Variants in FTO observed in about 807,000 individuals in gnomAD.
FTO encodes alpha-ketoglutarate-dependent dioxygenase FTO.
Under a neutral mutation model 63.9 loss-of-function variants are expected in FTO, and 47 were observed. The ratio of observed to expected loss-of-function variants is 0.74; its 90% confidence interval spans 0.58 to 0.94. FTO has a LOEUF of 0.94. Ranked by LOEUF, FTO falls within the 40% of genes least tolerant of loss-of-function variation. The probability of loss-of-function intolerance (pLI) is 0.00; values close to 1 mark genes in which losing one functional copy is unlikely to be tolerated. For missense variants in FTO, 562 were observed against 618.1 expected (o/e 0.91, Z 0.96); for synonymous variants, 207 against 224.4 (o/e 0.92, Z 0.69).
At chr16:53,905,604 G>A (rs2081516750) in intron 7 of FTO, among the ~76,000 whole-genome samples, 1 of 152,124 alleles carries the variant, frequency 6.6e-6, no homozygotes, top group South Asian at 2.1e-4. Flanking sequence ...TCAGTTCTCT[G>A]TTCAAAAGTC....
chr16:53,738,327 A>G, intron 1 of FTO, among the ~76,000 whole-genome samples: 1 of 152,124 alleles, frequency 6.6e-6, no homozygotes. Context: ...CTTTTTATAG[A>G]GATGAGGTCT....
chr16:53,841,826 G>T (rs568120024), intron 3 of FTO, among the ~76,000 whole-genome samples: 44 of 152,200 alleles, frequency 2.9e-4, no homozygotes, highest in Non-Finnish European at 2.9e-4. Context: ...GCATCTTTTT[G>T]TCTTCCTGCA....
intron 8 of FTO, among the ~76,000 whole-genome samples, chr16:54,091,641 G>A (rs1222377245): frequency 6.6e-6 from 1 of 152,246 alleles, no homozygotes; most frequent in Admixed American, 6.5e-5. Context: ...GGATGGAGTG[G>A]AACAGTCTTG....
intron 8 of FTO, among the ~76,000 whole-genome samples, chr16:54,055,666 G>T (rs960702327): frequency 1.3e-5 from 2 of 152,102 alleles, no homozygotes; most frequent in African/African-American, 4.8e-5. Flanking sequence ...GAAACAAGTC[G>T]ATTCTTGGAT....
chr16:53,799,431 C>G (rs2078163931), intron 1 of FTO, among the ~76,000 whole-genome samples: 1 of 151,908 alleles, frequency 6.6e-6, no homozygotes, highest in Non-Finnish European at 1.5e-5. Context: ...GAGAGCAAGG[C>G]CTATGTCTTG....
intron 8 of FTO, among the ~76,000 whole-genome samples, chr16:54,087,912 T>G (rs2086285391): frequency 6.6e-6 from 1 of 152,228 alleles, no homozygotes; most frequent in Admixed American, 6.5e-5. Flanking sequence ...TTCCCAGAAT[T>G]TTATTAGAAA....
chr16:53,817,862 T>A (rs949093088), intron 2 of FTO, among the ~76,000 whole-genome samples: 4 of 152,338 alleles, frequency 2.6e-5, no homozygotes, highest in East Asian at 3.9e-4. Context: ...CCTTTCCAAA[T>A]ACTTATTAAA....
chr16:53,837,716 G>A (rs1598788714), intron 3 of FTO, among the ~76,000 whole-genome samples: 1 of 118,452 alleles, frequency 8.4e-6, no homozygotes, highest in Admixed American at 9.3e-5. Context: ...TCCATCAGCT[G>A]TGTTTCCTAA....
chr16:53,713,384 G>C (rs1222505689), intron 1 of FTO, among the ~76,000 whole-genome samples: 1 of 152,118 alleles, frequency 6.6e-6, no homozygotes, highest in Non-Finnish European at 1.5e-5. Flanking sequence ...CTAGAGGAGA[G>C]GAACTTTTGT....
chr16:53,884,904 G>A (rs2080958498), intron 6 of FTO, among the ~76,000 whole-genome samples: 1 of 152,188 alleles, frequency 6.6e-6, no homozygotes, highest in African/African-American at 2.4e-5. Flanking sequence ...GAGGTCTTCA[G>A]GGATGTGTCA....
intron 8 of FTO, among the ~76,000 whole-genome samples, chr16:54,013,870 T>C (rs1173568151): frequency 4.6e-5 from 7 of 152,346 alleles, no homozygotes; most frequent in African/African-American, 1.7e-4. Context: ...ACTTTATTGC[T>C]ATATTTATTG....
At chr16:53,750,303 T>C (rs1223284642) in intron 1 of FTO, among the ~76,000 whole-genome samples, 2 of 151,982 alleles carry the variant, frequency 1.3e-5, no homozygotes, top group African/African-American at 4.8e-5. Context: ...AGTGGTGCGA[T>C]CTTGGCTCAC....
chr16:53,931,218 C>CT (rs2082273361), intron 7 of FTO, among the ~76,000 whole-genome samples: 1 of 149,952 alleles, frequency 6.7e-6, no homozygotes, highest in African/African-American at 2.5e-5. Flanking sequence ...AGCTAGATGT[C>CT]TACTTTGTCT....
intron 8 of FTO, among the ~76,000 whole-genome samples, chr16:54,075,079 G>A (rs9302656): frequency 0.091 from 13,840 of 152,050 alleles, 990 homozygotes; most frequent in African/African-American, 0.19. Flanking sequence ...CTATTTCTTC[G>A]TTTGTGAAAT....
chr16:53,715,663 AT>A (rs1478629265), intron 1 of FTO, among the ~76,000 whole-genome samples: 9 of 152,202 alleles, frequency 5.9e-5, no homozygotes, highest in African/African-American at 1.4e-4. Context: ...GCTAAACATT[AT>A]TATGAGAAGA....
At chr16:53,794,039 A>T (rs2077994767) in intron 1 of FTO, among the ~76,000 whole-genome samples, 1 of 152,268 alleles carries the variant, frequency 6.6e-6, no homozygotes, top group African/African-American at 2.4e-5. Flanking sequence ...TTTTCCATTT[A>T]TGAACTTGCC....
rs371670622 is a variant in FTO at position 53,998,746 on chromosome 16, A to G, written c.1364+64637A>G. 3.1e-4 allele frequency: 47 copies of G among 152,290 alleles called. No individual in the cohort carries two copies. The East Asian group carries it at 6.6e-3, about 21-fold the overall frequency. The allele number at this position is 152,290 out of a possible 1,614,324, so 9.4% of individuals were successfully genotyped here. ...GGATGGTTGTAGCTCCATAGACATCACATCTGCCCTCACACTGCAACTCCT... is the reference window on the plus strand; with the variant it reads ...GGATGGTTGTAGCTCCATAGACATCGCATCTGCCCTCACACTGCAACTCCT... On this transcript the variant is annotated intron_variant, in intron 8 of 8. Coordinates refer to ENST00000471389, the MANE Select transcript of FTO (RefSeq NM_001080432.3).
At chr16:54,036,993 T>G (rs2084954998) in intron 8 of FTO, among the ~76,000 whole-genome samples, 1 of 152,222 alleles carries the variant, frequency 6.6e-6, no homozygotes, top group South Asian at 2.1e-4. Flanking sequence ...TGTGTCCACT[T>G]GCTCCCCTCT....
At chr16:54,061,174 G>A (rs1411541986) in intron 8 of FTO, among the ~76,000 whole-genome samples, 1 of 152,196 alleles carries the variant, frequency 6.6e-6, no homozygotes, top group African/African-American at 2.4e-5. Context: ...GAAACATGCG[G>A]TGATTCGGAT....
Sources: gnomAD v4.1 joint callset for allele counts (sites outside exome capture counted in the v4.1 genomes callset) on GRCh38, gnomAD v4.1.1 for gene constraint, MANE v1.5 for transcripts, NCBI Gene and HGNC (gene_info 2026-07-23, HGNC 2026-07-21) for gene names.